The following MLLT3 variants were observed in gnomAD, a reference collection of about 807,000 sequenced individuals.
The protein encoded by MLLT3 is protein AF-9.
A neutral mutation model predicts 53.2 loss-of-function variants in MLLT3; 4 were observed. That is an observed-to-expected ratio of 0.08 (90% confidence interval 0.04 to 0.17). The LOEUF is 0.17. MLLT3 is among the 10% of genes least tolerant of loss of function. The pLI is 1.00. For synonymous variants in MLLT3, 283 were observed against 230.6 expected, an observed-to-expected ratio of 1.23 and a Z score of -2.06; for missense variants, 569 against 684.0, an observed-to-expected ratio of 0.83 and a Z score of 1.87.
chr9:20,566,845 A>G (rs182911416), intron 2 of MLLT3, among the ~76,000 whole-genome samples: 53 of 152,284 alleles, frequency 3.5e-4, no homozygotes, highest in African/African-American at 1.3e-3. Flanking sequence ...GTGGTACACC[A>G]AATGATCACT....
chr9:20,389,488 C>G (rs993971416), intron 5 of MLLT3, among the ~76,000 whole-genome samples: 1 of 152,118 alleles, frequency 6.6e-6, no homozygotes, highest in Admixed American at 6.6e-5. Flanking sequence ...CTAAAAACCA[C>G]TTTAGACCAG....
At chr9:20,463,397 T>C (rs1038901184) in intron 2 of MLLT3, among the ~76,000 whole-genome samples, 2 of 152,154 alleles carry the variant, frequency 1.3e-5, no homozygotes, top group African/African-American at 4.8e-5. Flanking sequence ...ACATTTCATC[T>C]TGAGGGAATA....
intron 2 of MLLT3, among the ~76,000 whole-genome samples, chr9:20,519,260 A>C (rs763364352): frequency 7.9e-5 from 12 of 152,252 alleles, no homozygotes; most frequent in Non-Finnish European, 1.2e-4. Flanking sequence ...ATATTAGCTT[A>C]TCAGTTTTTA....
chr9:20,375,832 T>C (rs1052516300), intron 5 of MLLT3, among the ~76,000 whole-genome samples: 4 of 151,996 alleles, frequency 2.6e-5, no homozygotes, highest in African/African-American at 9.6e-5. Flanking sequence ...ATGGTCTCCA[T>C]CTCCTGACCT....
intron 4 of MLLT3, among the ~76,000 whole-genome samples, chr9:20,439,256 T>C (rs186988789): frequency 2.3e-4 from 35 of 152,178 alleles, no homozygotes; most frequent in Admixed American, 1.9e-3. Context: ...CTCAGGAGAC[T>C]GAGGCAGGAG....
At chr9:20,500,754 C>T (rs952250347) in intron 2 of MLLT3, among the ~76,000 whole-genome samples, 1 of 152,150 alleles carries the variant, frequency 6.6e-6, no homozygotes, top group Non-Finnish European at 1.5e-5. Flanking sequence ...TGACTTTGGT[C>T]CTCCAGGTGT....
rs1165502365 is a variant in MLLT3, at chr9:20,622,466, C to T, written c.-210G>A. On this transcript the variant is annotated 5_prime_UTR_variant, in exon 1 of 11. Transcript: ENST00000380338. ...TCAGCCCCAAAAGCAAAAGCAGCAG[C>T]AGCAGCAGCAGCTCCAGGGTAAAGA... The T allele has an allele frequency of 1.1e-5, 6 of 538,648 alleles. No homozygotes were observed. The highest frequency in any genetic ancestry group is 2.0e-5 in the African/African-American group (1 of 50,936). 33.4% of individuals were successfully genotyped at this position (538,648 alleles called of 1,614,324 possible).
At chr9:20,507,288 C>A (rs2118953497) in intron 2 of MLLT3, among the ~76,000 whole-genome samples, 1 of 152,278 alleles carries the variant, frequency 6.6e-6, no homozygotes, top group African/African-American at 2.4e-5. Flanking sequence ...AATTGAGCAT[C>A]TTTCGGCAAT....
chr9:20,515,592 T>C (rs113462304), intron 2 of MLLT3, among the ~76,000 whole-genome samples: 18 of 152,338 alleles, frequency 1.2e-4, no homozygotes, highest in African/African-American at 3.8e-4. Context: ...TTTCTCCCCA[T>C]ACTCACCGTT....
At chr9:20,554,606 T>TTA (rs1192974136) in intron 2 of MLLT3, among the ~76,000 whole-genome samples, 1 of 152,138 alleles carries the variant, frequency 6.6e-6, no homozygotes, top group African/African-American at 2.4e-5. Context: ...ACAAAGCTGA[T>TTA]TATATATACT....
intron 4 of MLLT3, among the ~76,000 whole-genome samples, chr9:20,443,370 C>T (rs553531131): frequency 6.6e-6 from 1 of 152,314 alleles, no homozygotes; most frequent in African/African-American, 2.4e-5. Context: ...TCTAAGGAAA[C>T]ACACAGCCTT....
chr9:20,585,759 C>G (rs1819940529), intron 2 of MLLT3, among the ~76,000 whole-genome samples: 1 of 152,200 alleles, frequency 6.6e-6, no homozygotes, highest in African/African-American at 2.4e-5. Flanking sequence ...CCAGTGTGGT[C>G]TCATGGTCAT....
chr9:20,445,191 C>T (rs1000113860), intron 4 of MLLT3, among the ~76,000 whole-genome samples: 2 of 152,100 alleles, frequency 1.3e-5, no homozygotes, highest in Non-Finnish European at 2.9e-5. Flanking sequence ...ACTACTTTCA[C>T]GGTCCTATAA....
In MLLT3 at chr9:20,445,094, T is replaced by TAA. The variant is rs564170222; in HGVS notation, c.420+3027_420+3028dup. 5.7e-3 allele frequency among the ~76,000 whole-genome samples: 834 copies of TAA among 145,208 alleles called. 9 individuals are homozygous for TAA. Among genetic ancestry groups the TAA allele is most frequent in the African/African-American group, 0.019 (760 of 39,762 alleles). ...CAACAGAGTGAGACTCCATCTCAAT[T>TAA]AAAAAAAAAAAGTTCGTCGGGCTAG... On this transcript the variant is annotated intron_variant, in intron 4 of 10. Transcript: ENST00000380338.
intron 5 of MLLT3, among the ~76,000 whole-genome samples, chr9:20,393,821 C>T (rs115046240): frequency 0.012 from 1,879 of 152,098 alleles, 39 homozygotes; most frequent in African/African-American, 0.042. Context: ...GCATAGAAAA[C>T]TAAGAGTAAC....
rs747298605 is a variant in MLLT3 at position 20,414,312 on chromosome 9, A to ACTGCTGCTGCTGCTG, written c.519_533dup (p.Ser186_Ser190dup). The ACTGCTGCTGCTGCTG allele has an allele frequency of 2.0e-5, 31 of 1,564,994 alleles. No homozygotes were observed. Among genetic ancestry groups the ACTGCTGCTGCTGCTG allele is most frequent in the African/African-American group, 9.6e-5 (7 of 72,744 alleles). ...TGCTGCTGCTGCTACTGCTGCTGCTACTGCTGCTGCTGCTGCTGCTGCTGC... is the reference window on the plus strand; with the variant it reads ...TGCTGCTGCTGCTACTGCTGCTGCTACTGCTGCTGCTGCTGCTGCTGCTGCTGCTGCTGCTGCTGC... On this transcript the variant is annotated inframe_insertion, in exon 5 of 11. Transcript: ENST00000380338.
chr9:20,432,302 G>A (rs1054159429), intron 4 of MLLT3, among the ~76,000 whole-genome samples: 1 of 152,138 alleles, frequency 6.6e-6, no homozygotes, highest in Non-Finnish European at 1.5e-5. Flanking sequence ...AAGAGACAGA[G>A]TTTGATTATA....
intron 3 of MLLT3, among the ~76,000 whole-genome samples, chr9:20,451,256 A>G (rs1477542762): frequency 6.6e-6 from 1 of 152,198 alleles, no homozygotes; most frequent in East Asian, 1.9e-4. Flanking sequence ...CCAAATAGTC[A>G]ACAATCATTA....
At chr9:20,423,506 C>T (rs1169768099) in intron 4 of MLLT3, among the ~76,000 whole-genome samples, 1 of 152,030 alleles carries the variant, frequency 6.6e-6, no homozygotes, top group African/African-American at 2.4e-5. Flanking sequence ...TTCAACCAAC[C>T]ACGGACCAAG....
Sources: gnomAD v4.1 joint callset for allele counts (sites outside exome capture counted in the v4.1 genomes callset) on GRCh38, gnomAD v4.1.1 for gene constraint, MANE v1.5 for transcripts, NCBI Gene and HGNC (gene_info 2026-07-23, HGNC 2026-07-21) for gene names.